EZH2: variants seen among roughly 807,000 people sequenced by gnomAD.
EZH2 encodes the protein histone-lysine N-methyltransferase EZH2.
A neutral mutation model predicts 98.4 loss-of-function variants in EZH2; 18 were observed. The observed-to-expected ratio is 0.18, with a 90% CI of 0.13 to 0.27. EZH2 has a LOEUF of 0.27. EZH2 is among the 10% of genes least tolerant of loss of function. The pLI, the probability that EZH2 is intolerant of heterozygous loss-of-function variation, is 1.00. For synonymous variants in EZH2, 338 were observed against 312.3 expected (o/e 1.08, Z -0.87); for missense variants, 470 against 935.1 (o/e 0.50, Z 6.49).
Position 148,832,745 on chromosome 7 carries a change from C to A in EZH2, c.252G>T (p.Ser84=), listed in dbSNP as rs763126462. The change falls in exon 4 of 20, where the codon TCG becomes TCT. Residue 84 remains serine, a synonymous_variant. Transcript: ENST00000320356. ...TTGGAAAATCCAAGTCACTGGTCAC[C>A]GAACACTAAAACAGAAAAAATAAAA... ...VSSLRGTREC[S]VTSDLDFPTQ... 12 of 1,593,434 alleles carry A rather than the reference C, an allele frequency of 7.5e-6. No homozygotes were observed. In the East Asian group the frequency reaches 2.5e-4, roughly 33 times the overall value.
intron 1 of EZH2, among the ~76,000 whole-genome samples, chr7:148,862,877 G>A (rs1254901319): frequency 1.3e-5 from 2 of 151,920 alleles, no homozygotes; most frequent in Non-Finnish European, 2.9e-5. Flanking sequence ...TGCACCGTGG[G>A]TACAAATGTC....
At chr7:148,824,752 G>A (rs1807208361) in intron 8 of EZH2, among the ~76,000 whole-genome samples, 1 of 152,152 alleles carries the variant, frequency 6.6e-6, no homozygotes, top group Non-Finnish European at 1.5e-5. Context: ...GTAAAACAAT[G>A]AAGTTCCTAC....
intron 1 of EZH2, chr7:148,883,087 G>A (rs1372778356): frequency 6.6e-6 from 1 of 152,210 alleles, no homozygotes; most frequent in Admixed American, 6.5e-5. Context: ...CTGGCTGAAT[G>A]ACAGTTGATT....
At chr7:148,866,903 G>A (rs1267951753) in intron 1 of EZH2, among the ~76,000 whole-genome samples, 1 of 149,672 alleles carries the variant, frequency 6.7e-6, no homozygotes, top group Non-Finnish European at 1.5e-5. Flanking sequence ...TGGTAGAGAT[G>A]GGGTTTCACC....
At chr7:148,879,773 G>A (rs368802062) in intron 1 of EZH2, among the ~76,000 whole-genome samples, 17 of 152,044 alleles carry the variant, frequency 1.1e-4, no homozygotes, top group African/African-American at 3.4e-4. Flanking sequence ...TCAGGAGGCT[G>A]AGGCACAAGA....
intron 8 of EZH2, among the ~76,000 whole-genome samples, chr7:148,820,479 T>C (rs988183038): frequency 3.3e-5 from 5 of 149,304 alleles, no homozygotes; most frequent in African/African-American, 1.2e-4. Flanking sequence ...GAAAAACAAG[T>C]GACATTTCCA....
Position 148,814,902 on chromosome 7 carries a change from A to G in EZH2, c.1672+12T>C, listed in dbSNP as rs1480695546. On this transcript the variant is annotated intron_variant, in intron 14 of 19. Transcript: ENST00000320356. ...GTTCTCATGCAATTGCATCAAAGCA[A>G]CAAATACTTACACTCTGAACTACAT... The G allele has an allele frequency of 1.2e-6, 2 of 1,610,550 alleles. No homozygotes were observed. Among genetic ancestry groups the G allele is most frequent in the South Asian group, 1.1e-5 (1 of 90,826 alleles).
At chr7:148,846,838 C>CG in intron 2 of EZH2, among the ~76,000 whole-genome samples, 1 of 135,172 alleles carries the variant, frequency 7.4e-6, no homozygotes, top group African/African-American at 2.7e-5. Context: ...TCTTTGTTGA[C>CG]TGTGTGTGTG....
At chr7:148,820,805 C>T (rs997501706) in intron 8 of EZH2, among the ~76,000 whole-genome samples, 2 of 152,034 alleles carry the variant, frequency 1.3e-5, no homozygotes, top group African/African-American at 4.8e-5. Context: ...AAAAAAGTGA[C>T]AATGAAATAT....
chr7:148,846,824 CCTTT>C (rs1003432208), intron 2 of EZH2, among the ~76,000 whole-genome samples: 3 of 143,694 alleles, frequency 2.1e-5, no homozygotes, highest in Admixed American at 7.2e-5. Flanking sequence ...CGATTGCCAT[CCTTT>C]CTTTGTTGAC....
chr7:148,861,657 CTT>C, intron 1 of EZH2, among the ~76,000 whole-genome samples: 1 of 152,094 alleles, frequency 6.6e-6, no homozygotes, highest in Non-Finnish European at 1.5e-5. Context: ...TAAAAAGAAA[CTT>C]ATTTTCCTTT....
chr7:148,833,137 A>G (rs184791953), intron 3 of EZH2, among the ~76,000 whole-genome samples: 1 of 152,318 alleles, frequency 6.6e-6, no homozygotes, highest in East Asian at 1.9e-4. Flanking sequence ...TATACCAAAT[A>G]AGCCACTTAA....
At chr7:148,807,831 A>C (rs1449468436) in intron 19 of EZH2, 125 bp from the exon 20 acceptor site, 20 of 665,258 alleles carry the variant, frequency 3.0e-5, no homozygotes, top group South Asian at 7.4e-5. Context: ...AAAAAAAAAA[A>C]AAAAACCCAT....
At chr7:148,862,817 CT>C (rs34313171) in intron 1 of EZH2, among the ~76,000 whole-genome samples, 1 of 152,040 alleles carries the variant, frequency 6.6e-6, no homozygotes, top group African/African-American at 2.4e-5. Context: ...ACAAAACTGG[CT>C]TTTTTAACTG....
chr7:148,816,921 A>T (rs1360335071), intron 11 of EZH2, 143 bp from the exon 12 acceptor site: 9 of 647,590 alleles, frequency 1.4e-5, no homozygotes, highest in Non-Finnish European at 2.5e-5. Context: ...CGCTGTCCCT[A>T]CCCTCACATT....
At chr7:148,864,702 A>G (rs920742704) in intron 1 of EZH2, among the ~76,000 whole-genome samples, 1 of 148,350 alleles carries the variant, frequency 6.7e-6, no homozygotes, top group African/African-American at 2.6e-5. Flanking sequence ...AAAAAAAAGG[A>G]AAAAAAGAAA....
chr7:148,840,997 C>T (rs1812284917), intron 3 of EZH2, among the ~76,000 whole-genome samples: 1 of 152,020 alleles, frequency 6.6e-6, no homozygotes, highest in Non-Finnish European at 1.5e-5. Context: ...ACTATATATA[C>T]AATATTCTAG....
chr7:148,868,611 C>A (rs148500550), intron 1 of EZH2, among the ~76,000 whole-genome samples: 1 of 152,182 alleles, frequency 6.6e-6, no homozygotes, highest in East Asian at 1.9e-4. Context: ...CTATATCACC[C>A]TAGAACTTCC....
chr7:148,847,043 T>C, intron 2 of EZH2, 139 bp downstream of exon 2: 1 of 995,910 alleles, frequency 1.0e-6, no homozygotes. Flanking sequence ...ATCAAGAACC[T>C]AAGCTTCCAA....
Sources: gnomAD v4.1 joint callset for allele counts (sites outside exome capture counted in the v4.1 genomes callset) on GRCh38, gnomAD v4.1.1 for gene constraint, MANE v1.5 for transcripts, NCBI Gene and HGNC (gene_info 2026-07-23, HGNC 2026-07-21) for gene names.